Variants in FHIP2A observed in about 807,000 individuals in gnomAD.
The protein encoded by FHIP2A is FHF complex subunit HOOK interacting protein 2A.
Under a neutral mutation model 93.5 loss-of-function variants are expected in FHIP2A, and 46 were observed. The observed-to-expected ratio is 0.49, with a 90% CI of 0.39 to 0.63. FHIP2A has a LOEUF of 0.63. FHIP2A is among the 20% of genes least tolerant of loss of function. FHIP2A has a pLI of 0.00. For missense variants in FHIP2A, 769 were observed against 909.7 expected, an observed-to-expected ratio of 0.85 and a Z score of 1.99; for synonymous variants, 332 against 326.5, an observed-to-expected ratio of 1.02 and a Z score of -0.18.
chr10:114,862,438 T>G lies in FHIP2A; in HGVS notation c.*898T>G. ...TCTTACTGAAACGCATGGTGGTGTC[T>G]AGGTGGGGAACTGACTGATAACCCT... On this transcript the variant is annotated 3_prime_UTR_variant, in exon 17 of 17. Transcript: ENST00000369248. 5 of 987,614 alleles carry G rather than the reference T, an allele frequency of 5.1e-6. No individual in the cohort carries two copies. The highest frequency in any genetic ancestry group is 6.0e-6 in the Non-Finnish European group (5 of 830,114). 61.2% of individuals were successfully genotyped at this position (987,614 alleles called of 1,614,324 possible).
chr10:114,845,285 T>C (rs1279119871), intron 7 of FHIP2A, 82 bp from the exon 8 acceptor site: 1 of 758,860 alleles, frequency 1.3e-6, no homozygotes, highest in African/African-American at 1.7e-5. Flanking sequence ...TGTGTTCATG[T>C]GCCTTCATTT....
Position 114,822,137 on chromosome 10 carries a change from C to T in FHIP2A, c.45+14C>T. The T allele has an allele frequency of 7.6e-7, 1 of 1,310,242 alleles. No individual in the cohort carries two copies. The highest frequency in any genetic ancestry group is 9.9e-7 in the Non-Finnish European group (1 of 1,008,058). The allele number at this position is 1,310,242 out of a possible 1,614,324, so 81.2% of individuals were successfully genotyped here. A position where few individuals can be genotyped will look rare whatever the true frequency, so the allele number is the denominator to read the frequency against. On this transcript the variant is annotated intron_variant, in intron 1 of 16. Coordinates refer to ENST00000369248, the MANE Select transcript of FHIP2A (RefSeq NM_020940.4). ...GCCGTGGAGGCGGTAAGGCCGCGGG[C>T]TGCGGGCGCACGGCAGGCCGGGGAT...
chr10:114,872,871 G>C (rs2083866418), intron 16 of FHIP2A, among the ~76,000 whole-genome samples: 1 of 152,198 alleles, frequency 6.6e-6, no homozygotes, highest in Non-Finnish European at 1.5e-5. Flanking sequence ...ATCCCTGAGG[G>C]TCTATTTCCT....
At chr10:114,882,751 T>C (rs1463133797) in intron 16 of FHIP2A, among the ~76,000 whole-genome samples, 1 of 152,100 alleles carries the variant, frequency 6.6e-6, no homozygotes, top group Non-Finnish European at 1.5e-5. Flanking sequence ...GGTATGCACC[T>C]GTAGTCCAAG....
At chr10:114,829,691 G>A (rs774890643) in intron 1 of FHIP2A, among the ~76,000 whole-genome samples, 8 of 152,302 alleles carry the variant, frequency 5.3e-5, no homozygotes, top group Non-Finnish European at 7.4e-5. Context: ...GCAGGTCTTA[G>A]CCTCATTTTA....
chr10:114,856,742 C>G (rs2083769306), intron 14 of FHIP2A, among the ~76,000 whole-genome samples: 1 of 152,208 alleles, frequency 6.6e-6, no homozygotes, highest in African/African-American at 2.4e-5. Context: ...ATCTGAAATA[C>G]TTAAAATACT....
chr10:114,859,875 C>A (rs1021985481), intron 14 of FHIP2A, among the ~76,000 whole-genome samples: 1 of 152,156 alleles, frequency 6.6e-6, no homozygotes, highest in African/African-American at 2.4e-5. Context: ...ACCTTCTCAT[C>A]CACTTTGAGG....
downstream of FHIP2A, among the ~76,000 whole-genome samples, chr10:114,868,614 G>A (rs1325790515): frequency 6.6e-6 from 1 of 152,060 alleles, no homozygotes; most frequent in African/African-American, 2.4e-5. Context: ...TCTCTTGATT[G>A]AAGAACCACA....
At chr10:114,877,949 G>A (rs559390413) in intron 16 of FHIP2A, among the ~76,000 whole-genome samples, 1 of 152,106 alleles carries the variant, frequency 6.6e-6, no homozygotes, top group Non-Finnish European at 1.5e-5. Flanking sequence ...ATTTTTTAAA[G>A]GGAAGAGAGA....
chr10:114,831,037 A>G, intron 2 of FHIP2A, 107 bp downstream of exon 2: 1 of 625,744 alleles, frequency 1.6e-6, no homozygotes, highest in Non-Finnish European at 2.7e-6. Context: ...TTTATATTTA[A>G]GTTTATAGAC....
At position 114,846,744 on chromosome 10, in the gene FHIP2A, A is replaced by C; in HGVS notation, c.1568+16A>C. ...CAGGAGCAGTGTAAGTTTCCATCCA[A>C]CTCCGTGAGTTCAGCATTTCATGTA... is the stretch of plus-strand genomic sequence containing the variant. On this transcript the variant is annotated intron_variant, in intron 11 of 16. Transcript: ENST00000369248. The C allele has an allele frequency of 6.4e-7, 1 of 1,572,348 alleles. No individual in the cohort carries two copies. The highest frequency in any genetic ancestry group is 8.6e-7 in the Non-Finnish European group (1 of 1,163,850).
At chr10:114,873,613 A>G (rs1248211233) in intron 16 of FHIP2A, among the ~76,000 whole-genome samples, 1 of 152,110 alleles carries the variant, frequency 6.6e-6, no homozygotes, top group Non-Finnish European at 1.5e-5. Context: ...CCCTTTATTT[A>G]TCCAATCATT....
At position 114,821,894 on chromosome 10, in the gene FHIP2A, G is replaced by C; in HGVS notation, c.-185G>C. 3.3e-6 allele frequency: 1 copy of C among 304,774 alleles called. No homozygotes were observed. The highest frequency in any genetic ancestry group is 6.0e-6 in the Non-Finnish European group (1 of 166,304). 18.9% of individuals were successfully genotyped at this position (304,774 alleles called of 1,614,324 possible). A position where few individuals can be genotyped will look rare whatever the true frequency, so the allele number is the denominator to read the frequency against. On this transcript the variant is annotated 5_prime_UTR_variant, in exon 1 of 17. Transcript: ENST00000369248. ...CCGCGTCCCGGCGCCCTCCGGAGCC[G>C]CCGAGCCGCCCGCGCACACCTGAAG...
intron 16 of FHIP2A, among the ~76,000 whole-genome samples, chr10:114,875,932 G>GAAAGAAAGAA (rs746433082): frequency 7.4e-6 from 1 of 135,724 alleles, no homozygotes; most frequent in Non-Finnish European, 1.6e-5. Flanking sequence ...AAGAAAGAAA[G>GAAAGAAAGAA]AGAAAGAAAA....
intron 13 of FHIP2A, among the ~76,000 whole-genome samples, chr10:114,849,232 C>T (rs187358811): frequency 5.8e-4 from 87 of 151,064 alleles, no homozygotes; most frequent in African/African-American, 2.0e-3. Flanking sequence ...GTGTCTCCAT[C>T]TCAAGATTTC....
At chr10:114,872,409 A>G (rs1409752545) in intron 16 of FHIP2A, among the ~76,000 whole-genome samples, 1 of 152,184 alleles carries the variant, frequency 6.6e-6, no homozygotes, top group Non-Finnish European at 1.5e-5. Flanking sequence ...TTTATAACCC[A>G]CACAATTTAA....
intron 16 of FHIP2A, among the ~76,000 whole-genome samples, chr10:114,893,311 C>T (rs1483421537): frequency 2.0e-5 from 3 of 152,206 alleles, no homozygotes; most frequent in Admixed American, 6.5e-5. Flanking sequence ...TCTATAACCA[C>T]GGTAACAAGT....
intron 15 of FHIP2A, 122 bp from the exon 16 acceptor site, chr10:114,861,109 A>G: frequency 7.9e-7 from 1 of 1,261,518 alleles, no homozygotes; most frequent in Non-Finnish European, 1.1e-6. Flanking sequence ...AGATGATTAT[A>G]TGAGTAGTGA....
chr10:114,828,871 C>T (rs11196936), intron 1 of FHIP2A, among the ~76,000 whole-genome samples: 62,130 of 151,878 alleles, frequency 0.41, 13,305 homozygotes, highest in Non-Finnish European at 0.48. Context: ...GTGGAAGATA[C>T]TGATAATTGT....
Sources: gnomAD v4.1 joint callset for allele counts (sites outside exome capture counted in the v4.1 genomes callset) on GRCh38, gnomAD v4.1.1 for gene constraint, MANE v1.5 for transcripts, NCBI Gene and HGNC (gene_info 2026-07-23, HGNC 2026-07-21) for gene names.